The following DCP2 variants were observed in gnomAD, a reference collection of about 807,000 sequenced individuals.
The protein encoded by DCP2 is m7GpppN-mRNA hydrolase.
In DCP2, 30 loss-of-function variants were observed where a neutral mutation model predicts 56.1. The ratio of observed to expected loss-of-function variants is 0.53; its 90% CI spans 0.40 to 0.73. The LOEUF (loss-of-function observed/expected upper bound fraction) is 0.73, where lower values mean the gene tolerates loss of function less well. Among genes scored for constraint, DCP2 ranks in the 30% least tolerant of loss-of-function variants. The probability of loss-of-function intolerance (pLI) is 0.00; values close to 1 mark genes in which losing one functional copy is unlikely to be tolerated. For missense variants in DCP2, 533 were observed against 502.7 expected, an observed-to-expected ratio of 1.06 and a Z score of -0.58; for synonymous variants, 197 against 163.3, an observed-to-expected ratio of 1.21 and a Z score of -1.57.
At position 113,021,151 on chromosome 5, in the gene DCP2, G is replaced by C. The variant is rs1750104776; in HGVS notation, c.*7667G>C. Among the ~76,000 whole-genome samples, 1 of 152,060 alleles carries C rather than the reference G, an allele frequency of 6.6e-6. No homozygotes were observed. The highest frequency in any genetic ancestry group is 1.5e-5 in the Non-Finnish European group (1 of 68,012). ...TCCCAGCACTTTGGGAGGCTGAGTT[G>C]GGTGGATCACGAGGTCAGGAGTTCG... is the stretch of plus-strand genomic sequence containing the variant. On this transcript the variant is annotated 3_prime_UTR_variant, in exon 11 of 11. Coordinates refer to ENST00000389063, the MANE Select transcript of DCP2 (RefSeq NM_152624.6).
chr5:112,990,552 T>TC (rs1368372114), intron 2 of DCP2, among the ~76,000 whole-genome samples: 1 of 152,100 alleles, frequency 6.6e-6, no homozygotes, highest in Non-Finnish European at 1.5e-5. Context: ...ATCTTTTTTT[T>TC]CCCCTCCCCA....
chr5:113,009,584 T>C (rs928614458), intron 9 of DCP2, among the ~76,000 whole-genome samples: 1 of 152,216 alleles, frequency 6.6e-6, no homozygotes, highest in Non-Finnish European at 1.5e-5. Flanking sequence ...GTTCACTTTT[T>C]CCCTAGAAGA....
intron 7 of DCP2, 72 bp from the exon 8 acceptor site, chr5:113,003,870 T>C: frequency 6.6e-7 from 1 of 1,508,712 alleles, no homozygotes; most frequent in South Asian, 1.2e-5. Flanking sequence ...TCTATAAATT[T>C]AACTATTAAG....
intron 8 of DCP2, 69 bp from the exon 9 acceptor site, chr5:113,007,869 A>G (rs1474466826): frequency 1.5e-6 from 2 of 1,364,256 alleles, no homozygotes; most frequent in South Asian, 1.4e-5. Context: ...AAACATATTC[A>G]TGGGGTATTT....
At chr5:113,007,452 G>C (rs1189739310) in intron 8 of DCP2, among the ~76,000 whole-genome samples, 2 of 148,518 alleles carry the variant, frequency 1.3e-5, no homozygotes, top group Non-Finnish European at 3.0e-5. Context: ...CCAGGCTGTA[G>C]TGCAGTCGTG....
At position 113,018,124 on chromosome 5, in the gene DCP2, C is replaced by G. The variant is rs937659774; in HGVS notation, c.*4640C>G. On this transcript the variant is annotated 3_prime_UTR_variant, in exon 11 of 11. Transcript: ENST00000389063. ...TATACATTTGTCCTGAATGGTGATTCATTCCTTTCCATCTAACTTCCTTGT... is the reference window on the plus strand; with the variant it reads ...TATACATTTGTCCTGAATGGTGATTGATTCCTTTCCATCTAACTTCCTTGT... The G allele has an allele frequency of 1.3e-5, 2 of 152,180 alleles. No homozygotes were observed. Among genetic ancestry groups the G allele is most frequent in the Non-Finnish European group, 2.9e-5 (2 of 68,036 alleles). The allele number at this position is 152,180 out of a possible 1,614,324, so 9.4% of individuals were successfully genotyped here.
rs61532290 is a variant in DCP2, at chr5:113,021,386, C to CAAAA, written c.*7917_*7920dup. 9.5e-6 allele frequency among the ~76,000 whole-genome samples: 1 copy of CAAAA among 105,572 alleles called. No individual in the cohort carries two copies. Among genetic ancestry groups the CAAAA allele is most frequent in the Admixed American group, 1.1e-4 (1 of 9,400 alleles). 69.3% of individuals were successfully genotyped at this position (105,572 alleles called of 152,430 possible). Reference sequence around the variant, plus strand: ...CTGTCTGGAAAAAACAAAAAACAACCAAAAAAAAAAAAAAAAAACCCCCAG... The same window carrying CAAAA: ...CTGTCTGGAAAAAACAAAAAACAACCAAAAAAAAAAAAAAAAAAAAAACCCCCAG... On this transcript the variant is annotated 3_prime_UTR_variant, in exon 11 of 11. Transcript: ENST00000389063.
Position 112,987,327 on chromosome 5 carries a change from A to G in DCP2, c.205+1341A>G, listed in dbSNP as rs926645831. Reference sequence around the variant, plus strand: ...AAAAGGATAGCTCAATAAATAAATTAGTTTGAATTGAACAGCGTCCTCTCA... The same window carrying G: ...AAAAGGATAGCTCAATAAATAAATTGGTTTGAATTGAACAGCGTCCTCTCA... On this transcript the variant is annotated intron_variant, in intron 2 of 10. Transcript: ENST00000389063. Among the ~76,000 whole-genome samples, 4 of 152,340 alleles carry G rather than the reference A, an allele frequency of 2.6e-5. No homozygotes were observed. In the South Asian group the frequency reaches 8.3e-4, roughly 32 times the overall value.
rs936341507 is a variant in DCP2 at position 113,017,253 on chromosome 5, G to C, written c.*3769G>C. On this transcript the variant is annotated 3_prime_UTR_variant, in exon 11 of 11. Coordinates refer to ENST00000389063, the MANE Select transcript of DCP2 (RefSeq NM_152624.6). Reference sequence around the variant, plus strand: ...GACTTGGATTATTTTCTAGCCTGGGGGATGGGGTTCATATGTGTTGTTGTA... The same window carrying C: ...GACTTGGATTATTTTCTAGCCTGGGCGATGGGGTTCATATGTGTTGTTGTA... The C allele has an allele frequency of 1.3e-5, 2 of 152,086 alleles. No homozygotes were observed. Among genetic ancestry groups the C allele is most frequent in the Non-Finnish European group, 2.9e-5 (2 of 68,026 alleles). The allele number at this position is 152,086 out of a possible 1,614,324, so 9.4% of individuals were successfully genotyped here. A position where few individuals can be genotyped will look rare whatever the true frequency, so the allele number is the denominator to read the frequency against.
Position 113,014,437 on chromosome 5 carries a change from C to T in DCP2, c.*953C>T, listed in dbSNP as rs1041819565. On this transcript the variant is annotated 3_prime_UTR_variant, in exon 11 of 11. Coordinates refer to ENST00000389063, the MANE Select transcript of DCP2 (RefSeq NM_152624.6). Reference sequence around the variant, plus strand: ...AATTCGCAATAGTAGCAGAGACTGACATGCTTTTATTGACCTGCTAAGCCC... The same window carrying T: ...AATTCGCAATAGTAGCAGAGACTGATATGCTTTTATTGACCTGCTAAGCCC... 2 of 152,358 alleles carry T rather than the reference C, an allele frequency of 1.3e-5. No homozygotes were observed. The highest frequency in any genetic ancestry group is 2.9e-5 in the Non-Finnish European group (2 of 68,044). The allele number at this position is 152,358 out of a possible 1,614,324, so 9.4% of individuals were successfully genotyped here. A position where few individuals can be genotyped will look rare whatever the true frequency, so the allele number is the denominator to read the frequency against.
Position 113,010,774 on chromosome 5 carries a change from C to G in DCP2, c.1066C>G (p.His356Asp), listed in dbSNP as rs1243842107. The G allele has an allele frequency of 3.1e-6, 5 of 1,587,922 alleles. No individual in the cohort carries two copies. Among genetic ancestry groups the G allele is most frequent in the African/African-American group, 1.4e-5 (1 of 72,800 alleles). The change falls in exon 10 of 11, where the codon CAT becomes GAT. Residue 356 changes from histidine (H) to aspartate (D), a missense_variant. By Grantham distance (81) the His-to-Asp change is moderately conservative (BLOSUM62 -1). This residue lies in a region of DCP2 where 392 missense variants were observed against 346.6 expected (regional missense o/e 1.13). Coordinates refer to ENST00000389063, the MANE Select transcript of DCP2 (RefSeq NM_152624.6). The part of the protein sequence containing the change: ...NSLMKCEKKL[H>D]PRKLQDNFET... ...TAAATAGAAGTGTGAAAAGAAACTT[C>G]ATCCACGGAAACTTCAGGATAATTT...
In DCP2 at chr5:113,015,634, G is replaced by T. The variant is rs953733276; in HGVS notation, c.*2150G>T. 10 of 152,540 alleles carry T rather than the reference G, an allele frequency of 6.6e-5. No homozygotes were observed. The highest frequency in any genetic ancestry group is 2.4e-4 in the African/African-American group (10 of 41,418). The allele number at this position is 152,540 out of a possible 1,614,324, so 9.4% of individuals were successfully genotyped here. On this transcript the variant is annotated 3_prime_UTR_variant, in exon 11 of 11. Transcript: ENST00000389063. ...TTGGGGTGTGATTATGATAACTTCAGGCTTTTAGCTCTCCTCAAAGTTTGA... is the reference window on the plus strand; with the variant it reads ...TTGGGGTGTGATTATGATAACTTCATGCTTTTAGCTCTCCTCAAAGTTTGA...
chr5:112,987,360 A>G lies in DCP2; in HGVS notation c.205+1374A>G, dbSNP rs748980879. The stretch of plus-strand genomic sequence containing the variant: ...TTGAACAGCGTCCTCTCATGGGGCC[A>G]TAATAGCAGATATGGTTGGAAAGTC... On this transcript the variant is annotated intron_variant, in intron 2 of 10. Coordinates refer to ENST00000389063, the MANE Select transcript of DCP2 (RefSeq NM_152624.6). Among the ~76,000 whole-genome samples the G allele has an allele frequency of 3.9e-5, 6 of 152,326 alleles. No individual in the cohort carries two copies. In the East Asian group the frequency reaches 7.7e-4, roughly 20 times the overall value.
rs1749766598 is a variant in DCP2, at chr5:113,013,526, G to C, written c.*42G>C. On this transcript the variant is annotated 3_prime_UTR_variant, in exon 11 of 11. Transcript: ENST00000389063. ...GTAAATGTCCCAGGATCAGAGACCT[G>C]TTGAATTTGAGTGGGTGTCTCCTCA... 6.2e-7 allele frequency: 1 copy of C among 1,605,760 alleles called. No individual in the cohort carries two copies. The highest frequency in any genetic ancestry group is 1.3e-5 in the African/African-American group (1 of 74,594).
intron 4 of DCP2, among the ~76,000 whole-genome samples, chr5:112,994,558 T>G (rs1232824248): frequency 1.3e-5 from 2 of 152,186 alleles, no homozygotes; most frequent in African/African-American, 4.8e-5. Context: ...CAATAGCAGT[T>G]ATTGTCTTTA....
At position 113,015,892 on chromosome 5, in the gene DCP2, A is replaced by C. The variant is rs1239159391; in HGVS notation, c.*2408A>C. On this transcript the variant is annotated 3_prime_UTR_variant, in exon 11 of 11. Transcript: ENST00000389063. ...TATGGTTTGAGGAAATCAAGTGATA[A>C]AGGAGTATGCTGAATATGCAATCAT... The C allele has an allele frequency of 6.5e-6, 1 of 152,672 alleles. No individual in the cohort carries two copies. The highest frequency in any genetic ancestry group is 1.5e-5 in the Non-Finnish European group (1 of 68,036). The allele number at this position is 152,672 out of a possible 1,614,324, so 9.5% of individuals were successfully genotyped here. A position where few individuals can be genotyped will look rare whatever the true frequency, so the allele number is the denominator to read the frequency against.
chr5:112,982,762 C>CT (rs1748070980), intron 1 of DCP2, among the ~76,000 whole-genome samples: 1 of 152,208 alleles, frequency 6.6e-6, no homozygotes, highest in Admixed American at 6.5e-5. Flanking sequence ...ATAATTCCAT[C>CT]TTTCAACCCT....
At chr5:112,994,449 G>A (rs1190338134) in intron 4 of DCP2, among the ~76,000 whole-genome samples, 3 of 152,096 alleles carry the variant, frequency 2.0e-5, no homozygotes, top group Non-Finnish European at 4.4e-5. Context: ...TGGGATTACA[G>A]GCGTGAGCCA....
rs970599037 is a variant in DCP2 at position 113,016,637 on chromosome 5, A to G, written c.*3153A>G. On this transcript the variant is annotated 3_prime_UTR_variant, in exon 11 of 11. Transcript: ENST00000389063. ...CCTACTATAGGAATTAGATTCTTCT[A>G]TAAAAGTCACCATATTGTATCCTAT... 5.3e-5 allele frequency: 8 copies of G among 152,202 alleles called. No homozygotes were observed. Among genetic ancestry groups the G allele is most frequent in the Non-Finnish European group, 8.8e-5 (6 of 68,036 alleles). 9.4% of individuals were successfully genotyped at this position (152,202 alleles called of 1,614,324 possible).
Sources: gnomAD v4.1 joint callset for allele counts (sites outside exome capture counted in the v4.1 genomes callset) on GRCh38, gnomAD v4.1.1 for gene constraint, gnomAD v4.1.1 regional missense constraint, MANE v1.5 for transcripts, NCBI Gene and HGNC (gene_info 2026-07-23, HGNC 2026-07-21) for gene names.